Variants in ARL14EPL observed in about 807,000 individuals in gnomAD.
ARL14EPL encodes the protein ARF like GTPase 14 effector protein like.
ARL14EPL carries 17 observed loss-of-function variants against 15.9 expected under a neutral mutation model. The ratio of observed to expected loss-of-function variants is 1.07; its 90% CI spans 0.73 to 1.60. The LOEUF (loss-of-function observed/expected upper bound fraction) is 1.60, where lower values mean the gene tolerates loss of function less well. Ranked by LOEUF, ARL14EPL falls within the 40% of genes most tolerant of loss-of-function variation. The pLI, the probability that ARL14EPL is intolerant of heterozygous loss-of-function variation, is 0.00. For missense variants in ARL14EPL, 214 were observed against 185.9 expected (o/e 1.15, Z -0.88); for synonymous variants, 78 against 63.8 (o/e 1.22, Z -1.06).
At chr5:116,043,517 TA>T (rs1749205644) in intron 1 of ARL14EPL, among the ~76,000 whole-genome samples, 1 of 152,168 alleles carries the variant, frequency 6.6e-6, no homozygotes, top group Non-Finnish European at 1.5e-5. Context: ...TTCAGTCTTT[TA>T]AAAGGAAATT....
At chr5:116,050,048 G>A (rs969884837) in intron 1 of ARL14EPL, among the ~76,000 whole-genome samples, 1 of 152,128 alleles carries the variant, frequency 6.6e-6, no homozygotes, top group Non-Finnish European at 1.5e-5. Context: ...ATGAATATAT[G>A]CATTTTAAAA....
chr5:116,050,681 G>A (rs1418597523), intron 1 of ARL14EPL, among the ~76,000 whole-genome samples: 1 of 152,082 alleles, frequency 6.6e-6, no homozygotes. Context: ...GAAAACAGCA[G>A]GGCCTGTGGA....
At chr5:116,043,321 C>T (rs150875105) in intron 1 of ARL14EPL, among the ~76,000 whole-genome samples, 1,843 of 151,962 alleles carry the variant, frequency 0.012, 13 homozygotes, top group Non-Finnish European at 0.017. Context: ...CTAAGGAGTG[C>T]TTTAGTATGT....
chr5:116,054,628 T>C (rs979317247), intron 3 of ARL14EPL, among the ~76,000 whole-genome samples: 1 of 152,064 alleles, frequency 6.6e-6, no homozygotes. Context: ...TCAGGAGATC[T>C]AGACCATCCT....
At chr5:116,037,543 T>TGAA (rs3072922) in intron 1 of ARL14EPL, among the ~76,000 whole-genome samples, 7,522 of 152,296 alleles carry the variant, frequency 0.049, 536 homozygotes, top group African/African-American at 0.16. Context: ...TACATGCCCT[T>TGAA]CACATGGCAT....
chr5:116,051,198 G>T (rs2112677288), intron 1 of ARL14EPL: 1 of 352,506 alleles, frequency 2.8e-6, no homozygotes, highest in Non-Finnish European at 5.1e-6. Context: ...GCTTAAGAGA[G>T]GTTTATGATG....
chr5:116,038,564 A>G (rs982169744), intron 1 of ARL14EPL, among the ~76,000 whole-genome samples: 10 of 152,160 alleles, frequency 6.6e-5, no homozygotes, highest in African/African-American at 2.4e-4. Context: ...ACAAAGGACC[A>G]CAAAGGTTTT....
intron 1 of ARL14EPL, among the ~76,000 whole-genome samples, chr5:116,044,291 A>G (rs1292151358): frequency 6.6e-6 from 1 of 152,162 alleles, no homozygotes; most frequent in East Asian, 1.9e-4. Flanking sequence ...CTGCCAGTGA[A>G]GTGGGTTTTA....
intron 1 of ARL14EPL, among the ~76,000 whole-genome samples, chr5:116,036,135 T>C (rs1034646600): frequency 1.3e-5 from 2 of 152,212 alleles, no homozygotes; most frequent in East Asian, 3.8e-4. Flanking sequence ...AGTATAATTG[T>C]TCTAACCTCA....
At chr5:116,049,347 C>G (rs1270146623) in intron 1 of ARL14EPL, among the ~76,000 whole-genome samples, 1 of 152,094 alleles carries the variant, frequency 6.6e-6, no homozygotes, top group Admixed American at 6.6e-5. Context: ...TGAAACAGCT[C>G]CATATGATTT....
intron 1 of ARL14EPL, among the ~76,000 whole-genome samples, chr5:116,040,851 G>A (rs1037942583): frequency 2.0e-5 from 3 of 148,618 alleles, no homozygotes; most frequent in East Asian, 2.0e-4. Context: ...CGTGGTGGCG[G>A]GCGCCTGTAG....
In ARL14EPL at chr5:116,058,787, G is replaced by T; in HGVS notation, c.299G>T (p.Cys100Phe). The T allele has an allele frequency of 6.5e-6, 10 of 1,535,938 alleles. No homozygotes were observed. The highest frequency in any genetic ancestry group is 8.7e-6 in the Non-Finnish European group (10 of 1,146,900). ...TGTAATGACGCTGATCTGTGTGATT[G>T]TCTAGAGAAGAACTGCCTGGGCTGC... ...LICNDADLCDCLEKNCLGCFY... is the reference protein window; with the variant it reads ...LICNDADLCDFLEKNCLGCFY... Residue 100 changes from cysteine to phenylalanine, a missense_variant, in exon 4 of 4, where the codon TGT (cysteine) becomes TTT (phenylalanine). Transcript: ENST00000686077.
chr5:116,046,202 T>C (rs957454170), intron 1 of ARL14EPL, among the ~76,000 whole-genome samples: 6 of 152,214 alleles, frequency 3.9e-5, no homozygotes, highest in African/African-American at 1.4e-4. Context: ...CTTCTAAATA[T>C]ATTCCAAGAG....
intron 1 of ARL14EPL, among the ~76,000 whole-genome samples, chr5:116,036,932 ATTT>A (rs5870684): frequency 6.7e-6 from 1 of 149,826 alleles, no homozygotes; most frequent in African/African-American, 2.4e-5. Context: ...GCAATTAAAG[ATTT>A]TTTTTTTTGC....
intron 1 of ARL14EPL, among the ~76,000 whole-genome samples, chr5:116,042,745 C>T (rs1270022775): frequency 6.6e-6 from 1 of 152,122 alleles, no homozygotes; most frequent in African/African-American, 2.4e-5. Context: ...ACTTCCAAAG[C>T]CAGCAACTTT....
intron 3 of ARL14EPL, among the ~76,000 whole-genome samples, chr5:116,054,966 A>G (rs28584505): frequency 0.016 from 2,363 of 152,174 alleles, 63 homozygotes; most frequent in African/African-American, 0.053. Context: ...ACACACCATA[A>G]AGTAGGAGAA....
intron 2 of ARL14EPL, among the ~76,000 whole-genome samples, chr5:116,053,389 C>G (rs1749440321): frequency 6.6e-6 from 1 of 151,390 alleles, no homozygotes; most frequent in Non-Finnish European, 1.5e-5. Context: ...AAAAAAACCT[C>G]CAGAGACTTT....
At chr5:116,055,863 G>T (rs111586472) in intron 3 of ARL14EPL, among the ~76,000 whole-genome samples, 1 of 151,430 alleles carries the variant, frequency 6.6e-6, no homozygotes, top group Non-Finnish European at 1.5e-5. Context: ...TGTTCTCATT[G>T]TTCAATTCTC....
chr5:116,052,139 A>T, intron 2 of ARL14EPL: 1 of 1,612,208 alleles, frequency 6.2e-7, no homozygotes, highest in South Asian at 1.1e-5. Flanking sequence ...AGCTTTGTCA[A>T]ACAAGACTAA....
Sources: gnomAD v4.1 joint callset for allele counts (sites outside exome capture counted in the v4.1 genomes callset) on GRCh38, gnomAD v4.1.1 for gene constraint, MANE v1.5 for transcripts, NCBI Gene and HGNC (gene_info 2026-07-23, HGNC 2026-07-21) for gene names.